IL12RB2: variants seen among roughly 807,000 people sequenced by gnomAD.
The protein encoded by IL12RB2 is interleukin 12 receptor subunit beta 2.
IL12RB2 carries 82 observed loss-of-function variants against 89.4 expected under a neutral mutation model. The ratio of observed to expected loss-of-function variants is 0.92; its 90% CI spans 0.77 to 1.10. The LOEUF is 1.10. Ranked by LOEUF, IL12RB2 falls within the 50% of genes least tolerant of loss-of-function variation. The probability of loss-of-function intolerance (pLI) is 0.00; values close to 1 mark genes in which losing one functional copy is unlikely to be tolerated. For synonymous variants in IL12RB2, 368 were observed against 370.1 expected, an observed-to-expected ratio of 0.99 and a Z score of 0.07; for missense variants, 963 against 1,031.9, an observed-to-expected ratio of 0.93 and a Z score of 0.92.
At position 67,372,482 on chromosome 1, in the gene IL12RB2, C is replaced by T. The variant is rs762071783; in HGVS notation, c.1506C>T (p.Leu502=). The change falls in exon 12 of 17, where the codon CTC becomes CTT. Residue 502 remains leucine (L), a synonymous_variant. Transcript: ENST00000674203. ...YICYEIRVYA[L]SGDQGGCSSI... ...GTTATGAAATCCGTGTGTATGCACT[C>T]TCAGGGGATCAAGGAGGATGCAGCT... 8.1e-6 allele frequency: 13 copies of T among 1,605,264 alleles called. No individual in the cohort carries two copies. Among genetic ancestry groups the T allele is most frequent in the Non-Finnish European group, 1.1e-5 (13 of 1,172,026 alleles).
chr1:67,376,465 T>C (rs556535232), intron 13 of IL12RB2, among the ~76,000 whole-genome samples: 1 of 152,314 alleles, frequency 6.6e-6, no homozygotes, highest in South Asian at 2.1e-4. Context: ...CTTCCTACAC[T>C]GGTGCCTTTA....
chr1:67,383,736 G>GATCCATTAT (rs1664846226), intron 14 of IL12RB2, among the ~76,000 whole-genome samples: 1 of 152,196 alleles, frequency 6.6e-6, no homozygotes, highest in African/African-American at 2.4e-5. Flanking sequence ...CTTAAGCCTA[G>GATCCATTAT]TGTTCCATTA....
At chr1:67,342,487 G>A (rs898152157) in intron 9 of IL12RB2, among the ~76,000 whole-genome samples, 2 of 152,138 alleles carry the variant, frequency 1.3e-5, no homozygotes, top group African/African-American at 4.8e-5. Flanking sequence ...GTGGGAGTAT[G>A]TGTGTGAGTG....
At chr1:67,350,834 TG>T (rs752760374) in intron 9 of IL12RB2, 35 bp from the exon 10 acceptor site, 16 of 1,611,896 alleles carry the variant, frequency 9.9e-6, no homozygotes, top group Admixed American at 5.0e-5. Flanking sequence ...TGATCTTGTC[TG>T]GGAGTAAATA....
At chr1:67,350,778 C>T (rs1660739162) in intron 9 of IL12RB2, 92 bp from the exon 10 acceptor site, 1 of 1,566,982 alleles carries the variant, frequency 6.4e-7, no homozygotes, top group Non-Finnish European at 8.7e-7. Flanking sequence ...TCAGCTGTAG[C>T]TGCCTAGTAC....
chr1:67,320,882 C>A (rs1192378472), intron 3 of IL12RB2, among the ~76,000 whole-genome samples: 1 of 150,360 alleles, frequency 6.7e-6, no homozygotes, highest in African/African-American at 2.5e-5. Context: ...AATGCTATCC[C>A]TCCCCCAGCC....
chr1:67,375,647 T>A (rs1384730657), intron 13 of IL12RB2, among the ~76,000 whole-genome samples: 1 of 151,926 alleles, frequency 6.6e-6, no homozygotes. Context: ...AGGGCATATG[T>A]GGAGCACAGT....
chr1:67,354,240 G>A (rs923392763), intron 10 of IL12RB2, among the ~76,000 whole-genome samples: 2 of 152,160 alleles, frequency 1.3e-5, no homozygotes, highest in African/African-American at 4.8e-5. Context: ...ACAAAGTGGT[G>A]CTAGCCAGGT....
intron 2 of IL12RB2, among the ~76,000 whole-genome samples, chr1:67,319,602 A>G (rs774547740): frequency 6.6e-6 from 1 of 152,186 alleles, no homozygotes; most frequent in Non-Finnish European, 1.5e-5. Context: ...TGGTATGATG[A>G]TGAAGCCTTG....
At position 67,351,017 on chromosome 1, in the gene IL12RB2, G is replaced by A; in HGVS notation, c.1186G>A (p.Ala396Thr). 1 of 1,614,014 alleles carries A rather than the reference G, an allele frequency of 6.2e-7. No homozygotes were observed. The highest frequency in any genetic ancestry group is 2.2e-5 in the East Asian group (1 of 44,880). Residue 396 changes from alanine to threonine, a missense_variant, in exon 10 of 17, where the codon GCT becomes ACT. Ala to Thr is a moderately conservative substitution (Grantham distance 58). Transcript: ENST00000674203. ...VIPRTGNWAV[A>T]VSAANSKGSS... is the part of the protein sequence containing the mutation. The stretch of plus-strand genomic sequence containing the variant: ...TCCTAGAACCGGAAATTGGGCTGTG[G>A]CTGTGTCTGCAGCAAATTCAAAAGG...
chr1:67,372,252 A>G (rs1663449333), intron 11 of IL12RB2, among the ~76,000 whole-genome samples, 184 bp from the exon 12 acceptor site: 1 of 152,216 alleles, frequency 6.6e-6, no homozygotes, highest in Non-Finnish European at 1.5e-5. Context: ...AGCCAACGTC[A>G]TGGCAAATCA....
chr1:67,331,519 A>C (rs1263638392), intron 8 of IL12RB2, among the ~76,000 whole-genome samples: 1 of 152,226 alleles, frequency 6.6e-6, no homozygotes, highest in Non-Finnish European at 1.5e-5. Context: ...AGACACAAGA[A>C]ATAGCCATCT....
intron 15 of IL12RB2, among the ~76,000 whole-genome samples, chr1:67,387,051 C>T (rs188978371): frequency 1.3e-3 from 194 of 151,652 alleles, no homozygotes; most frequent in Non-Finnish European, 2.4e-3. Context: ...GCCTCAGCCT[C>T]CTGAGTAGCT....
intron 4 of IL12RB2, among the ~76,000 whole-genome samples, chr1:67,324,284 G>A (rs972199157): frequency 3.2e-4 from 49 of 152,268 alleles, no homozygotes; most frequent in Non-Finnish European, 4.4e-5. Flanking sequence ...GTGCGGTGGC[G>A]CAATCTCGTC....
At chr1:67,332,218 ATTTT>A (rs34139483) in intron 8 of IL12RB2, among the ~76,000 whole-genome samples, 3 of 135,524 alleles carry the variant, frequency 2.2e-5, no homozygotes, top group Non-Finnish European at 3.3e-5. Context: ...TATTAATTGC[ATTTT>A]TTTTTTTTTT....
At position 67,380,126 on chromosome 1, in the gene IL12RB2, G is replaced by A. The variant is rs1664420586; in HGVS notation, c.1855+3G>A. ...TGAGAGGGAATTTTGTCTGCAAGGT[G>A]AGAGGCAGTGTTAAGGATGATGAGT... On this transcript the variant is annotated splice_donor_region_variant and intron_variant, in intron 14 of 16. Transcript: ENST00000674203. 6.2e-7 allele frequency: 1 copy of A among 1,614,008 alleles called. No homozygotes were observed. The highest frequency in any genetic ancestry group is 8.5e-7 in the Non-Finnish European group (1 of 1,180,008).
Position 67,379,990 on chromosome 1 carries a change from TC to T in IL12RB2, c.1725del (p.Tyr576ThrfsTer10). On this transcript the variant is annotated frameshift_variant, in exon 14 of 17. Coordinates refer to ENST00000674203, the MANE Select transcript of IL12RB2 (RefSeq NM_001374259.2). LOFTEE classifies it high-confidence loss of function. The stretch of plus-strand genomic sequence containing the variant: ...CTTCCTTTATCTTCCTTTCAGAAAT[TC>T]CCTACAGAGTCTCCCAAAATTCACA... ...SNSQPQLCEI[P>X]YRVSQNSHPI... 1 of 1,608,568 alleles carries T rather than the reference TC, an allele frequency of 6.2e-7. No homozygotes were observed. Among genetic ancestry groups the T allele is most frequent in the Non-Finnish European group, 8.5e-7 (1 of 1,174,898 alleles).
At chr1:67,386,452 T>A in intron 14 of IL12RB2, 127 bp from the exon 15 acceptor site, 1 of 767,438 alleles carries the variant, frequency 1.3e-6, no homozygotes, top group Non-Finnish European at 2.4e-6. Context: ...AAAGTGAATT[T>A]ACCTTATTCT....
chr1:67,395,892 G>C lies in IL12RB2; in HGVS notation c.2392G>C (p.Asp798His), dbSNP rs1666325762. ...VLPAGDLPTH[D>H]GYLPSNIDDL... ...CCCAGCAGGTGACCTTCCCACCCATGATGGCTACTTACCCTCCAACATAGA... is the reference window on the plus strand; with the variant it reads ...CCCAGCAGGTGACCTTCCCACCCATCATGGCTACTTACCCTCCAACATAGA... Residue 798 changes from aspartate (D) to histidine (H), a missense_variant, in exon 17 of 17, where the codon GAT (aspartate) becomes CAT (histidine). Physicochemically the swap from Asp to His is moderately conservative, Grantham distance 81. Coordinates refer to ENST00000674203, the MANE Select transcript of IL12RB2 (RefSeq NM_001374259.2). 1.2e-6 allele frequency: 2 copies of C among 1,609,536 alleles called. No homozygotes were observed. Among genetic ancestry groups the C allele is most frequent in the East Asian group, 4.5e-5 (2 of 44,806 alleles).
Sources: allele counts gnomAD v4.1 joint callset (sites outside exome capture counted in the v4.1 genomes callset), GRCh38; gene constraint gnomAD v4.1.1; transcripts MANE v1.5; gene names NCBI Gene and HGNC (gene_info 2026-07-23, HGNC 2026-07-21).